CHMP3: variants seen among roughly 807,000 people sequenced by gnomAD.
CHMP3 encodes the protein 25.1 protein.
A neutral mutation model predicts 27.4 loss-of-function variants in CHMP3; 8 were observed. The ratio of observed to expected loss-of-function variants is 0.29; its 90% CI spans 0.17 to 0.53. The LOEUF (loss-of-function observed/expected upper bound fraction) is 0.53, where lower values mean the gene tolerates loss of function less well. CHMP3 is among the 20% of genes least tolerant of loss of function. CHMP3 has a pLI of 0.96. For missense variants in CHMP3, 208 were observed against 271.5 expected (o/e 0.77, Z 1.64); for synonymous variants, 86 against 85.5 (o/e 1.01, Z -0.03).
intron 1 of CHMP3, among the ~76,000 whole-genome samples, chr2:86,558,960 G>C (rs775606065): frequency 2.0e-5 from 3 of 151,884 alleles, no homozygotes; most frequent in Non-Finnish European, 4.4e-5. Context: ...CAGTTCTACA[G>C]AGAAAAAAGT....
At chr2:86,548,258 GGATAA>G (rs1676695068) in intron 1 of CHMP3, among the ~76,000 whole-genome samples, 1 of 151,028 alleles carries the variant, frequency 6.6e-6, no homozygotes, top group Non-Finnish European at 1.5e-5. Context: ...CAGGGTCATA[GGATAA>G]TAGTGGAGAG....
chr2:86,510,273 C>CCCCCCCCCACA, intron 4 of CHMP3, 85 bp downstream of exon 4: 1 of 1,306,792 alleles, frequency 7.7e-7, no homozygotes, highest in East Asian at 2.9e-5. Context: ...TGTTCATCCC[C>CCCCCCCCCACA]ACCCACCCTC....
chr2:86,533,420 C>T (rs1403858867), intron 2 of CHMP3, among the ~76,000 whole-genome samples: 1 of 151,856 alleles, frequency 6.6e-6, no homozygotes, highest in Admixed American at 6.6e-5. Flanking sequence ...CTGCTTTAAT[C>T]TTTATTATTT....
At chr2:86,519,365 CAAA>C (rs35255775) in intron 3 of CHMP3, among the ~76,000 whole-genome samples, 4 of 111,108 alleles carry the variant, frequency 3.6e-5, no homozygotes, top group Admixed American at 1.9e-4. Context: ...AACTTCATCT[CAAA>C]AAAAAAAAAA....
At chr2:86,528,392 G>A (rs1241584999) in intron 3 of CHMP3, among the ~76,000 whole-genome samples, 1 of 152,126 alleles carries the variant, frequency 6.6e-6, no homozygotes, top group East Asian at 1.9e-4. Flanking sequence ...GTTATTCACA[G>A]GTGTAATCAG....
At chr2:86,536,833 T>C (rs1676163254) in intron 2 of CHMP3, among the ~76,000 whole-genome samples, 2 of 152,206 alleles carry the variant, frequency 1.3e-5, no homozygotes, top group South Asian at 4.1e-4. Context: ...GTTTCCACAA[T>C]GCATGTTGGT....
At chr2:86,521,929 C>G (rs1675537883) in intron 3 of CHMP3, among the ~76,000 whole-genome samples, 1 of 152,162 alleles carries the variant, frequency 6.6e-6, no homozygotes, top group Non-Finnish European at 1.5e-5. Context: ...CCCTGCCTTC[C>G]ATTCTTTCGG....
intron 1 of CHMP3, among the ~76,000 whole-genome samples, chr2:86,558,575 C>T (rs1677219423): frequency 6.6e-6 from 1 of 152,200 alleles, no homozygotes; most frequent in African/African-American, 2.4e-5. Flanking sequence ...CCCGAATTGA[C>T]CTGTCACCAT....
intron 3 of CHMP3, chr2:86,511,829 T>C (rs1372899125): frequency 6.6e-6 from 1 of 152,120 alleles, no homozygotes; most frequent in Non-Finnish European, 1.5e-5. Flanking sequence ...TGGGCTGAAT[T>C]AGTGAAAATA....
At chr2:86,514,167 A>C (rs1003177746) in intron 3 of CHMP3, among the ~76,000 whole-genome samples, 4 of 152,308 alleles carry the variant, frequency 2.6e-5, no homozygotes, top group Admixed American at 2.6e-4. Flanking sequence ...CACTGATGGA[A>C]AGGCCCATGT....
chr2:86,517,689 T>G (rs1360387411), intron 3 of CHMP3, among the ~76,000 whole-genome samples: 1 of 151,744 alleles, frequency 6.6e-6, no homozygotes, highest in Non-Finnish European at 1.5e-5. Context: ...TCTCTACCTA[T>G]CACAGGCTCT....
intron 2 of CHMP3, among the ~76,000 whole-genome samples, 171 bp downstream of exon 2, chr2:86,542,081 C>G (rs536377894): frequency 6.6e-6 from 1 of 151,738 alleles, no homozygotes; most frequent in East Asian, 1.9e-4. Context: ...AACTCATTAT[C>G]TTTTTTTAAT....
chr2:86,514,282 C>CTT (rs1470043231), intron 3 of CHMP3, among the ~76,000 whole-genome samples: 1 of 152,178 alleles, frequency 6.6e-6, no homozygotes, highest in Non-Finnish European at 1.5e-5. Flanking sequence ...GTCAAGTTTT[C>CTT]CGTTATTTGC....
intron 2 of CHMP3, among the ~76,000 whole-genome samples, chr2:86,531,954 G>T (rs1350514257): frequency 6.6e-6 from 1 of 152,068 alleles, no homozygotes; most frequent in Non-Finnish European, 1.5e-5. Flanking sequence ...GATTCTATAA[G>T]AATTTTAGGA....
intron 3 of CHMP3, among the ~76,000 whole-genome samples, chr2:86,528,209 AT>A (rs1675789332): frequency 6.6e-6 from 1 of 152,202 alleles, no homozygotes; most frequent in South Asian, 2.1e-4. Context: ...TTAGAAACCC[AT>A]TTGGCACCAT....
chr2:86,529,897 A>C (rs985654233), intron 2 of CHMP3, among the ~76,000 whole-genome samples: 1 of 152,200 alleles, frequency 6.6e-6, no homozygotes, highest in African/African-American at 2.4e-5. Flanking sequence ...AATACATAAA[A>C]TATAACATCT....
intron 3 of CHMP3, among the ~76,000 whole-genome samples, chr2:86,524,015 T>C (rs1675611572): frequency 6.6e-6 from 1 of 152,160 alleles, no homozygotes; most frequent in Non-Finnish European, 1.5e-5. Context: ...ATGATGATAA[T>C]ATTTAGAACC....
At chr2:86,513,741 A>G (rs1462205554) in intron 3 of CHMP3, among the ~76,000 whole-genome samples, 1 of 152,254 alleles carries the variant, frequency 6.6e-6, no homozygotes, top group Admixed American at 6.5e-5. Flanking sequence ...GTCTGCATTC[A>G]AGATTGCCAT....
rs938689573 is a variant in CHMP3 at position 86,504,382 on chromosome 2, C to T, written c.*1422G>A. ...GATATATGAGAAATTTCTTTTTGTC[C>T]ACTTTTGCTGTGAACCTACAACTGA... On this transcript the variant is annotated 3_prime_UTR_variant, in exon 6 of 6. Coordinates refer to ENST00000263856, the MANE Select transcript of CHMP3 (RefSeq NM_016079.4). 1 of 151,910 alleles carries T rather than the reference C, an allele frequency of 6.6e-6. No individual in the cohort carries two copies. Among genetic ancestry groups the T allele is most frequent in the East Asian group, 1.9e-4 (1 of 5,196 alleles). The allele number at this position is 151,910 out of a possible 1,614,324, so 9.4% of individuals were successfully genotyped here.
Sources: gnomAD v4.1 joint callset for allele counts (sites outside exome capture counted in the v4.1 genomes callset) on GRCh38, gnomAD v4.1.1 for gene constraint, MANE v1.5 for transcripts, NCBI Gene and HGNC (gene_info 2026-07-23, HGNC 2026-07-21) for gene names.